Variants in PSMD5 observed in about 807,000 individuals in gnomAD.
PSMD5 encodes 26S proteasome non-ATPase regulatory subunit 5.
PSMD5 carries 40 observed loss-of-function variants against 52.1 expected under a neutral mutation model. The observed-to-expected ratio is 0.77, with a 90% confidence interval of 0.60 to 1.00. The LOEUF (loss-of-function observed/expected upper bound fraction) is 1.00. PSMD5 is among the 50% of genes least tolerant of loss of function. The probability of loss-of-function intolerance (pLI) is 0.00; values close to 1 mark genes in which losing one functional copy is unlikely to be tolerated. For missense variants in PSMD5, 575 were observed against 605.2 expected, an observed-to-expected ratio of 0.95 and a Z score of 0.52; for synonymous variants, 211 against 226.6, an observed-to-expected ratio of 0.93 and a Z score of 0.62.
intron 9 of PSMD5, among the ~76,000 whole-genome samples, chr9:120,820,038 A>C (rs1465409743): frequency 1.3e-5 from 2 of 152,214 alleles, no homozygotes; most frequent in Non-Finnish European, 2.9e-5. Flanking sequence ...CTGGGGCTAC[A>C]AAGATAAATC....
intron 7 of PSMD5, chr9:120,824,269 CCTAAACCAAT>C: frequency 1.8e-6 from 1 of 560,722 alleles, no homozygotes. Context: ...TTGGTAGAAA[CCTAAACCAAT>C]GAAAACCTAA....
chr9:120,823,214 C>CTTTTTTTT (rs1322695765), intron 7 of PSMD5, among the ~76,000 whole-genome samples: 2 of 139,858 alleles, frequency 1.4e-5, no homozygotes. Context: ...TTCTTTCTTT[C>CTTTTTTTT]TTTTTTTTTT....
intron 1 of PSMD5, 163 bp downstream of exon 1, chr9:120,842,562 TGAACCTGAACCC>T: frequency 1.3e-6 from 1 of 776,722 alleles, no homozygotes; most frequent in Non-Finnish European, 2.0e-6. Context: ...TCTCAGAGGC[TGAACCTGAACCC>T]CATCTCCTGC....
At chr9:120,840,274 C>T (rs573451691) in intron 1 of PSMD5, among the ~76,000 whole-genome samples, 9 of 150,992 alleles carry the variant, frequency 6.0e-5, no homozygotes, top group African/African-American at 1.2e-4. Context: ...TAGGCACGCA[C>T]GCCCAGTTAA....
chr9:120,832,062 ATCAAT>A, intron 2 of PSMD5, 117 bp from the exon 3 acceptor site: 1 of 1,433,074 alleles, frequency 7.0e-7, no homozygotes, highest in Non-Finnish European at 9.2e-7. Context: ...ACAGCTATAT[ATCAAT>A]TCATTAAAAA....
chr9:120,834,352 T>C (rs1174329188), intron 1 of PSMD5, among the ~76,000 whole-genome samples: 2 of 151,862 alleles, frequency 1.3e-5, no homozygotes, highest in African/African-American at 4.8e-5. Context: ...GTAATCCAGA[T>C]AAATAAACGC....
intron 5 of PSMD5, among the ~76,000 whole-genome samples, chr9:120,827,221 C>T (rs1298059890): frequency 6.6e-6 from 1 of 152,184 alleles, no homozygotes; most frequent in East Asian, 1.9e-4. Context: ...AAATATCATA[C>T]ACAAAAGTAA....
At chr9:120,840,302 T>C (rs1488598599) in intron 1 of PSMD5, among the ~76,000 whole-genome samples, 3 of 151,830 alleles carry the variant, frequency 2.0e-5, no homozygotes, top group Admixed American at 6.6e-5. Flanking sequence ...TTTTGTTTTG[T>C]AGAGACAGGG....
At chr9:120,833,954 G>A (rs1029199384) in intron 1 of PSMD5, among the ~76,000 whole-genome samples, 35 of 148,444 alleles carry the variant, frequency 2.4e-4, no homozygotes, top group Non-Finnish European at 4.9e-4. Flanking sequence ...GGGATTACAG[G>A]CTTGGGCCAC....
At chr9:120,841,316 A>C (rs2045233687) in intron 1 of PSMD5, among the ~76,000 whole-genome samples, 1 of 152,070 alleles carries the variant, frequency 6.6e-6, no homozygotes, top group African/African-American at 2.4e-5. Flanking sequence ...GCAGTGGCTC[A>C]CGCCTGTAAT....
chr9:120,821,656 A>G (rs2045085726), intron 7 of PSMD5, among the ~76,000 whole-genome samples, 192 bp from the exon 8 acceptor site: 2 of 152,190 alleles, frequency 1.3e-5, no homozygotes, highest in South Asian at 4.1e-4. Flanking sequence ...CCATCAAACA[A>G]TAATTCCCTT....
chr9:120,835,671 G>A (rs894150908), intron 1 of PSMD5, among the ~76,000 whole-genome samples: 11 of 152,044 alleles, frequency 7.2e-5, no homozygotes, highest in Non-Finnish European at 1.6e-4. Flanking sequence ...GGCAGTTGCA[G>A]TGAGTCGAGA....
At chr9:120,833,895 C>T (rs994990303) in intron 1 of PSMD5, among the ~76,000 whole-genome samples, 3 of 150,484 alleles carry the variant, frequency 2.0e-5, no homozygotes, top group South Asian at 2.1e-4. Flanking sequence ...AGGCTGGTCT[C>T]GAACTCCTGA....
Position 120,833,340 on chromosome 9 carries a change from T to C in PSMD5, c.290A>G (p.Asp97Gly), listed in dbSNP as rs763587566. The C allele has an allele frequency of 2.5e-6, 4 of 1,613,884 alleles. No individual in the cohort carries two copies. In the South Asian group the frequency reaches 4.4e-5, roughly 18 times the overall value. Residue 97 changes from aspartate (D) to glycine (G), a missense_variant, in exon 2 of 10, where the codon GAT becomes GGT. Asp to Gly is a moderately conservative substitution (Grantham distance 94). Transcript: ENST00000210313. Reference sequence around the variant, plus strand: ...GGAAAGAGTGAGGATTTTTACAGAATCATCAGGGTGAATTAGTCCCCTCTG... The same window carrying C: ...GGAAAGAGTGAGGATTTTTACAGAACCATCAGGGTGAATTAGTCCCCTCTG... ...DLQRGLIHPD[D>G]SVKILTLSQI...
chr9:120,823,443 A>C (rs765956408), intron 7 of PSMD5, among the ~76,000 whole-genome samples: 1 of 151,360 alleles, frequency 6.6e-6, no homozygotes, highest in African/African-American at 2.4e-5. Flanking sequence ...TCCTGACCTC[A>C]AGTGATCCAC....
chr9:120,824,620 G>A lies in PSMD5; in HGVS notation c.880C>T (p.Pro294Ser), dbSNP rs2045109919. ...TCAAAGACTTTTTCCACAAAGATAG[G>A]ATAACGCTCACAGATCTGTTGAGGA... Reference protein sequence around the residue: ...DSPQQICERYPIFVEKVFEMI... With the variant: ...DSPQQICERYSIFVEKVFEMI... The change falls in exon 7 of 10, where the codon CCT (proline) becomes TCT (serine). Residue 294 changes from proline (P) to serine (S), a missense_variant. Transcript: ENST00000210313. 1.2e-6 allele frequency: 2 copies of A among 1,614,028 alleles called. No individual in the cohort carries two copies. The highest frequency in any genetic ancestry group is 2.7e-5 in the African/African-American group (2 of 74,902).
chr9:120,837,615 T>C (rs1413788495), intron 1 of PSMD5, among the ~76,000 whole-genome samples: 2 of 152,236 alleles, frequency 1.3e-5, no homozygotes, highest in African/African-American at 2.4e-5. Context: ...AGGTTTTATA[T>C]TTAGGTCTAT....
intron 7 of PSMD5, among the ~76,000 whole-genome samples, chr9:120,823,510 C>CTTTTTTTTTTTTTT (rs1263218977): frequency 9.2e-6 from 1 of 108,662 alleles, no homozygotes; most frequent in African/African-American, 3.5e-5. Context: ...TACCTGGCCT[C>CTTTTTTTTTTTTTT]TTTTTTTTTT....
At chr9:120,837,515 T>A (rs1266718392) in intron 1 of PSMD5, among the ~76,000 whole-genome samples, 1 of 152,236 alleles carries the variant, frequency 6.6e-6, no homozygotes, top group Non-Finnish European at 1.5e-5. Flanking sequence ...CTTGTATAGA[T>A]CATGCTTTTG....
Sources: allele counts gnomAD v4.1 joint callset (sites outside exome capture counted in the v4.1 genomes callset), GRCh38; gene constraint gnomAD v4.1.1; transcripts MANE v1.5; gene names NCBI Gene and HGNC (gene_info 2026-07-23, HGNC 2026-07-21).